ABLIM2: variants seen among roughly 807,000 people sequenced by gnomAD.
ABLIM2 encodes actin-binding LIM protein 2.
A neutral mutation model predicts 97.7 loss-of-function variants in ABLIM2; 53 were observed. The observed-to-expected ratio is 0.54, with a 90% CI of 0.44 to 0.68. The LOEUF (loss-of-function observed/expected upper bound fraction) is 0.68. Ranked by LOEUF, ABLIM2 falls within the 30% of genes least tolerant of loss-of-function variation. The pLI is 0.00. For missense variants in ABLIM2, 835 were observed against 867.2 expected (o/e 0.96, Z 0.47); for synonymous variants, 361 against 345.8 (o/e 1.04, Z -0.49).
At chr4:8,129,806 G>A (rs1849103813) in intron 1 of ABLIM2, among the ~76,000 whole-genome samples, 2 of 152,188 alleles carry the variant, frequency 1.3e-5, no homozygotes, top group East Asian at 3.8e-4. Flanking sequence ...GCTAGAAGAG[G>A]CCATAATGAT....
At chr4:8,094,342 G>A (rs909212027) in intron 3 of ABLIM2, among the ~76,000 whole-genome samples, 1 of 152,108 alleles carries the variant, frequency 6.6e-6, no homozygotes, top group Non-Finnish European at 1.5e-5. Flanking sequence ...CTCAAACACC[G>A]AGTTAAAGAA....
At chr4:7,971,031 C>T (rs1347998374) in intron 20 of ABLIM2, among the ~76,000 whole-genome samples, 1 of 152,106 alleles carries the variant, frequency 6.6e-6, no homozygotes, top group Admixed American at 6.5e-5. Flanking sequence ...ATGAGGGGCT[C>T]TCCGCAGCAG....
At position 8,054,334 on chromosome 4, in the gene ABLIM2, C is replaced by A. The variant is rs1797714548; in HGVS notation, c.764-88G>T. 13 of 1,414,524 alleles carry A rather than the reference C, an allele frequency of 9.2e-6. No individual in the cohort carries two copies. Among genetic ancestry groups the A allele is most frequent in the African/African-American group, 1.4e-5 (1 of 70,956 alleles). The allele number at this position is 1,414,524 out of a possible 1,614,324, so 87.6% of individuals were successfully genotyped here. ...TGGAAACGCAGAGGAGGGAGCTGGT[C>A]CATGCACAGACGTGCACTCGGACTC... On this transcript the variant is annotated intron_variant, in intron 7 of 20. Transcript: ENST00000447017. This position sits in a 1 kb window ranked among gnomAD's most constrained non-coding sequence, Gnocchi z 4.9.
intron 6 of ABLIM2, among the ~76,000 whole-genome samples, chr4:8,077,103 G>A (rs1195572852): frequency 6.6e-6 from 1 of 151,978 alleles, no homozygotes; most frequent in Non-Finnish European, 1.5e-5. Context: ...TTGCCCCATG[G>A]GATTTATCTT....
In ABLIM2 at chr4:8,151,603, C is replaced by G. The variant is rs1712790899; in HGVS notation, c.10+7077G>C. ...CGCAGCAGGGTCCCTAAAATGGCAG[C>G]CAGGCCTCACACCCAAACAGTGGGC... On this transcript the variant is annotated intron_variant, in intron 1 of 20. Transcript: ENST00000447017. Among the ~76,000 whole-genome samples the G allele has an allele frequency of 2.6e-5, 4 of 152,248 alleles. No individual in the cohort carries two copies. The South Asian group carries it at 8.3e-4, about 32-fold the overall frequency.
In ABLIM2 at chr4:8,095,204, A is replaced by G. The variant is rs749950917; in HGVS notation, c.338+1895T>C. On this transcript the variant is annotated intron_variant, in intron 3 of 20. Coordinates refer to ENST00000447017, the MANE Select transcript of ABLIM2 (RefSeq NM_001130083.2). The surrounding 1 kb of genome is among the most constrained non-coding windows in gnomAD (Gnocchi z 4.7). ...CTGCAGCCTCAAAATCCTGGGCCCA[A>G]GCAATCCTCCCATCTCAGCCTCTCA... is the stretch of plus-strand genomic sequence containing the variant. Among the ~76,000 whole-genome samples the G allele has an allele frequency of 6.6e-6, 1 of 151,928 alleles. No individual in the cohort carries two copies. The highest frequency in any genetic ancestry group is 1.5e-5 in the Non-Finnish European group (1 of 68,002).
At position 8,123,557 on chromosome 4, in the gene ABLIM2, G is replaced by A. The variant is rs746082312; in HGVS notation, c.11-16920C>T. ...TCTAATTAAAACTGGTCGTCGGGATGGCTGGCCTGGAGCCCAGGGAAAGCC... is the reference window on the plus strand; with the variant it reads ...TCTAATTAAAACTGGTCGTCGGGATAGCTGGCCTGGAGCCCAGGGAAAGCC... On this transcript the variant is annotated intron_variant, in intron 1 of 20. Transcript: ENST00000447017. This position sits in a 1 kb window ranked among gnomAD's most constrained non-coding sequence, Gnocchi z 6.2. Among the ~76,000 whole-genome samples the A allele has an allele frequency of 8.5e-5, 13 of 152,230 alleles. No homozygotes were observed. Among genetic ancestry groups the A allele is most frequent in the African/African-American group, 1.2e-4 (5 of 41,462 alleles).
intron 3 of ABLIM2, among the ~76,000 whole-genome samples, chr4:8,091,672 AAATTATATAT>A (rs1828510521): frequency 3.2e-5 from 2 of 62,468 alleles, no homozygotes; most frequent in Admixed American, 3.2e-4. Flanking sequence ...ATATTATATA[AAATTATATAT>A]AATTATATAT....
rs1810412786 is a variant in ABLIM2, at chr4:8,069,595, G to T, written c.675+8033C>A. Among the ~76,000 whole-genome samples the T allele has an allele frequency of 6.6e-6, 1 of 152,120 alleles. No individual in the cohort carries two copies. The highest frequency in any genetic ancestry group is 6.5e-5 in the Admixed American group (1 of 15,276). The stretch of plus-strand genomic sequence containing the variant: ...TCTGTGTGTCTCTGTGTTTTGCCTG[G>T]TGTCTGTGTGGATGTCTTTCCGTGT... On this transcript the variant is annotated intron_variant, in intron 6 of 20. Transcript: ENST00000447017. This position sits in a 1 kb window ranked among gnomAD's most constrained non-coding sequence, Gnocchi z 4.2.
Position 8,130,223 on chromosome 4 carries a change from C to T in ABLIM2, c.11-23586G>A, listed in dbSNP as rs143351571. 3.3e-3 allele frequency among the ~76,000 whole-genome samples: 500 copies of T among 152,320 alleles called. 3 individuals are homozygous for T. The highest frequency in any genetic ancestry group is 0.011 in the African/African-American group (469 of 41,568). On this transcript the variant is annotated intron_variant, in intron 1 of 20. Coordinates refer to ENST00000447017, the MANE Select transcript of ABLIM2 (RefSeq NM_001130083.2). This position sits in a 1 kb window ranked among gnomAD's most constrained non-coding sequence, Gnocchi z 4.2. ...TGGCTCACAGGGCCAGGGATGGAGA[C>T]GCAGGGTGGCCAGGGTGGTGCTGGA... is the stretch of plus-strand genomic sequence containing the variant.
At chr4:8,146,096 A>C (rs1578518827) in intron 1 of ABLIM2, among the ~76,000 whole-genome samples, 1 of 152,246 alleles carries the variant, frequency 6.6e-6, no homozygotes, top group South Asian at 2.1e-4. Context: ...AGACTGTAAG[A>C]AATGATGCGT....
intron 6 of ABLIM2, among the ~76,000 whole-genome samples, chr4:8,077,355 G>A (rs1475088442): frequency 6.6e-6 from 1 of 152,134 alleles, no homozygotes; most frequent in Non-Finnish European, 1.5e-5. Flanking sequence ...CAAACGGCTG[G>A]GCCAAAACAT....
intron 14 of ABLIM2, among the ~76,000 whole-genome samples, chr4:8,016,597 G>C (rs1207939789): frequency 6.6e-6 from 1 of 152,140 alleles, no homozygotes; most frequent in Non-Finnish European, 1.5e-5. Context: ...GCAGGTCCCA[G>C]GAAGAAATCA....
At chr4:8,154,570 G>A (rs375409331) in intron 1 of ABLIM2, among the ~76,000 whole-genome samples, 84 of 152,332 alleles carry the variant, frequency 5.5e-4, no homozygotes, top group East Asian at 1.2e-3. Flanking sequence ...GTAAGCCACC[G>A]CACCCGGCCA....
chr4:8,139,733 C>T (rs764610668), intron 1 of ABLIM2, among the ~76,000 whole-genome samples: 53 of 152,204 alleles, frequency 3.5e-4, no homozygotes, highest in South Asian at 2.7e-3. Flanking sequence ...CCATTTGAAC[C>T]GGCAATCCCA....
At position 8,033,292 on chromosome 4, in the gene ABLIM2, C is replaced by T. The variant is rs904848400; in HGVS notation, c.1047+2857G>A. ...GAGCAAGCATTGGGAAAGAGAACGC[C>T]GTTCCCACAGCAGAGCGGGGAGGCA... On this transcript the variant is annotated intron_variant, in intron 10 of 20. Coordinates refer to ENST00000447017, the MANE Select transcript of ABLIM2 (RefSeq NM_001130083.2). The surrounding 1 kb of genome is among the most constrained non-coding windows in gnomAD (Gnocchi z 4.5). Among the ~76,000 whole-genome samples, 5 of 152,168 alleles carry T rather than the reference C, an allele frequency of 3.3e-5. No individual in the cohort carries two copies. Among genetic ancestry groups the T allele is most frequent in the Non-Finnish European group, 5.9e-5 (4 of 68,036 alleles).
chr4:8,107,228 G>A (rs113111391), intron 1 of ABLIM2, among the ~76,000 whole-genome samples: 319 of 152,378 alleles, frequency 2.1e-3, no homozygotes, highest in African/African-American at 7.4e-3. Context: ...TTAAGGAGTG[G>A]ATGGATGGAC....
intron 9 of ABLIM2, among the ~76,000 whole-genome samples, chr4:8,041,039 G>A (rs1035769435): frequency 2.8e-4 from 42 of 152,230 alleles, no homozygotes; most frequent in African/African-American, 9.4e-4. Context: ...CCGGGAGACT[G>A]GATTAATTTG....
intron 1 of ABLIM2, among the ~76,000 whole-genome samples, chr4:8,146,341 G>A (rs922955900): frequency 3.3e-5 from 5 of 152,078 alleles, no homozygotes; most frequent in South Asian, 2.1e-4. Context: ...TGCAGAGGCC[G>A]CATGACATGT....
Sources: allele counts gnomAD v4.1 joint callset (sites outside exome capture counted in the v4.1 genomes callset), GRCh38; gene constraint gnomAD v4.1.1; non-coding constraint Gnocchi (gnomAD v3.1); transcripts MANE v1.5; gene names NCBI Gene and HGNC (gene_info 2026-07-23, HGNC 2026-07-21).